SMARCAD1: variants seen among roughly 807,000 people sequenced by gnomAD.
SMARCAD1 encodes the protein SNF2 related chromatin remodeling ATPase with DExD box 1.
SMARCAD1 carries 25 observed loss-of-function variants against 127.1 expected under a neutral mutation model. The observed-to-expected ratio is 0.20, with a 90% CI of 0.14 to 0.27. The LOEUF (loss-of-function observed/expected upper bound fraction) is 0.27, where lower values mean the gene tolerates loss of function less well. Ranked by LOEUF, SMARCAD1 falls within the 10% of genes least tolerant of loss-of-function variation. The pLI, the probability that SMARCAD1 is intolerant of heterozygous loss-of-function variation, is 1.00. For missense variants in SMARCAD1, 807 were observed against 1,206.0 expected, an observed-to-expected ratio of 0.67 and a Z score of 4.90; for synonymous variants, 400 against 396.9, an observed-to-expected ratio of 1.01 and a Z score of -0.09.
intron 10 of SMARCAD1, among the ~76,000 whole-genome samples, chr4:94,269,725 A>G (rs557607288): frequency 3.9e-4 from 59 of 152,096 alleles, no homozygotes; most frequent in African/African-American, 1.3e-3. Context: ...CTGAAGTGCA[A>G]TGGCATGATC....
chr4:94,218,128 C>T (rs1005968600), intron 2 of SMARCAD1, among the ~76,000 whole-genome samples: 2 of 152,060 alleles, frequency 1.3e-5, no homozygotes, highest in African/African-American at 2.4e-5. Context: ...TTATGCATTT[C>T]ATTATTAGTA....
chr4:94,271,948 C>T (rs1752589592), intron 11 of SMARCAD1, among the ~76,000 whole-genome samples: 1 of 152,168 alleles, frequency 6.6e-6, no homozygotes, highest in Non-Finnish European at 1.5e-5. Context: ...ATGGCTTAGT[C>T]AGCTAGCATT....
chr4:94,262,889 T>TAAAAA (rs368026206), intron 9 of SMARCAD1, among the ~76,000 whole-genome samples: 2 of 87,422 alleles, frequency 2.3e-5, no homozygotes, highest in Non-Finnish European at 2.6e-5. Flanking sequence ...TAATTTCTGT[T>TAAAAA]AAAAAAAAAA....
At chr4:94,253,585 A>C in intron 9 of SMARCAD1, 1 of 1,052,780 alleles carries the variant, frequency 9.5e-7, no homozygotes, top group East Asian at 8.2e-5. Context: ...GGAGTGTAGC[A>C]GGCTGCAGCG....
intron 12 of SMARCAD1, among the ~76,000 whole-genome samples, 163 bp downstream of exon 12, chr4:94,273,879 A>G (rs1189223088): frequency 6.6e-6 from 1 of 152,128 alleles, no homozygotes; most frequent in East Asian, 1.9e-4. Flanking sequence ...TTGTTTATAT[A>G]TGTGTGTTTG....
At chr4:94,229,802 T>G (rs199698571) in intron 3 of SMARCAD1, among the ~76,000 whole-genome samples, 1,440 of 33,272 alleles carry the variant, frequency 0.043, 19 homozygotes, top group African/African-American at 0.085. Flanking sequence ...ATGTGTGGTG[T>G]TTTTTTTTTT....
chr4:94,210,784 A>G (rs1052144542), intron 2 of SMARCAD1, among the ~76,000 whole-genome samples: 1 of 151,716 alleles, frequency 6.6e-6, no homozygotes, highest in African/African-American at 2.4e-5. Context: ...AAATACAAAA[A>G]TTAGCCAGGC....
rs542490357 is a variant in SMARCAD1, at chr4:94,208,180, C to A, written c.-50+110C>A. ...AATGGAAAATTTTAAAAGATACCCCCGTCCACCTTCTAATTGTTGCGGCCT... is the reference window on the plus strand; with the variant it reads ...AATGGAAAATTTTAAAAGATACCCCAGTCCACCTTCTAATTGTTGCGGCCT... On this transcript the variant is annotated intron_variant, in intron 1 of 23. Coordinates refer to ENST00000354268, the MANE Select transcript of SMARCAD1 (RefSeq NM_020159.5). 905 of 695,236 alleles carry A rather than the reference C, an allele frequency of 1.3e-3. 3 individuals are homozygous for A. The highest frequency in any genetic ancestry group is 2.0e-3 in the Non-Finnish European group (746 of 381,962). The allele number at this position is 695,236 out of a possible 1,614,324, so 43.1% of individuals were successfully genotyped here.
chr4:94,235,342 G>A (rs2632395), intron 4 of SMARCAD1, among the ~76,000 whole-genome samples: 145,292 of 150,656 alleles, frequency 0.96, 70,091 homozygotes, highest in African/African-American at 0.98. Flanking sequence ...GAAAAGATTC[G>A]TCGCTGTTGC....
intron 5 of SMARCAD1, among the ~76,000 whole-genome samples, chr4:94,240,123 T>A (rs968090483): frequency 7.2e-5 from 11 of 152,214 alleles, no homozygotes; most frequent in Non-Finnish European, 1.5e-4. Context: ...TCTGATATAA[T>A]TAATGCTGAA....
intron 22 of SMARCAD1, among the ~76,000 whole-genome samples, chr4:94,283,539 T>A (rs75841085): frequency 2.6e-5 from 4 of 152,072 alleles, no homozygotes; most frequent in African/African-American, 9.7e-5. Flanking sequence ...GTATTAACAA[T>A]TGACGGCCGG....
rs145303992 is a variant in SMARCAD1 at position 94,252,780 on chromosome 4, A to G, written c.1054A>G (p.Lys352Glu). 70 of 1,613,268 alleles carry G rather than the reference A, an allele frequency of 4.3e-5. No homozygotes were observed. The highest frequency in any genetic ancestry group is 5.1e-5 in the Non-Finnish European group (60 of 1,179,874). Residue 352 changes from lysine (K) to glutamate (E), a missense_variant, in exon 9 of 24, where the codon AAG becomes GAG. Physicochemically the swap from Lys to Glu is moderately conservative, Grantham distance 56. This residue lies in a region of SMARCAD1 where 257 missense variants were observed against 303.4 expected (regional missense o/e 0.85). Transcript: ENST00000354268. Reference sequence around the variant, plus strand: ...ACGTAAAAAAAATGTTTTTAATCCAAAGAGAGTTGTTGAAGACTCTGAATA... The same window carrying G: ...ACGTAAAAAAAATGTTTTTAATCCAGAGAGAGTTGTTGAAGACTCTGAATA... ...KKRKKNVFNP[K>E]RVVEDSEYDS...
Position 94,207,998 on chromosome 4 carries a change from GGAGCTT to G in SMARCAD1, c.-121_-116del, listed in dbSNP as rs1440958011. The stretch of plus-strand genomic sequence containing the variant: ...CGAGGCAGGGGGCACGGTAGCACAG[GGAGCTT>G]CTCTTTGTGGGCGGGCGCGAGGCCC... On this transcript the variant is annotated 5_prime_UTR_variant, in exon 1 of 24. Transcript: ENST00000354268. 2.5e-6 allele frequency: 1 copy of G among 394,278 alleles called. No individual in the cohort carries two copies. The highest frequency in any genetic ancestry group is 5.0e-6 in the Non-Finnish European group (1 of 200,352). 24.4% of individuals were successfully genotyped at this position (394,278 alleles called of 1,614,324 possible). A position where few individuals can be genotyped will look rare whatever the true frequency, so the allele number is the denominator to read the frequency against.
intron 2 of SMARCAD1, chr4:94,212,896 C>T (rs942869268): frequency 1.7e-5 from 7 of 407,388 alleles, no homozygotes; most frequent in African/African-American, 1.5e-4. Context: ...CCTCTAAATC[C>T]CAGCCAGCCT....
At chr4:94,262,455 T>G (rs1332082041) in intron 9 of SMARCAD1, among the ~76,000 whole-genome samples, 1 of 152,194 alleles carries the variant, frequency 6.6e-6, no homozygotes, top group Non-Finnish European at 1.5e-5. Flanking sequence ...ACTCAAAGCC[T>G]TCTTAATAGT....
chr4:94,278,778 C>G (rs1753634772), intron 18 of SMARCAD1, 45 bp downstream of exon 18: 2 of 1,595,678 alleles, frequency 1.3e-6, no homozygotes, highest in South Asian at 1.1e-5. Flanking sequence ...GAATCTTGTA[C>G]TGGGGATGCA....
chr4:94,248,531 G>T (rs10034781), intron 6 of SMARCAD1: 294,199 of 455,872 alleles, frequency 0.65, 97,364 homozygotes, highest in African/African-American at 0.89. Flanking sequence ...TTTTGAAATG[G>T]TTTCTCCAGA....
intron 6 of SMARCAD1, chr4:94,248,435 T>C (rs1748789275): frequency 2.2e-6 from 1 of 455,944 alleles, no homozygotes; most frequent in Non-Finnish European, 4.4e-6. Context: ...CCTCAGCTGG[T>C]TGTTGTCCAT....
intron 15 of SMARCAD1, 63 bp downstream of exon 15, chr4:94,276,537 A>G: frequency 3.2e-6 from 5 of 1,560,762 alleles, no homozygotes; most frequent in Non-Finnish European, 4.4e-6. Flanking sequence ...AATTTAATAT[A>G]TGTAGTATTT....
Sources: allele counts gnomAD v4.1 joint callset (sites outside exome capture counted in the v4.1 genomes callset), GRCh38; gene constraint gnomAD v4.1.1; regional missense constraint gnomAD v4.1.1; transcripts MANE v1.5; gene names NCBI Gene and HGNC (gene_info 2026-07-23, HGNC 2026-07-21).